MITF: variants seen among roughly 807,000 people sequenced by gnomAD.
MITF encodes microphthalmia-associated transcription factor.
MITF carries 17 observed loss-of-function variants against 60.5 expected under a neutral mutation model. The ratio of observed to expected loss-of-function variants is 0.28; its 90% CI spans 0.19 to 0.42. The LOEUF is 0.42. MITF is among the 10% of genes least tolerant of loss of function. The pLI is 1.00. For missense variants in MITF, 622 were observed against 683.5 expected (o/e 0.91, Z 1.00); for synonymous variants, 260 against 248.5 (o/e 1.05, Z -0.43).
At chr3:69,908,508 C>T (rs1012069306) in intron 2 of MITF, among the ~76,000 whole-genome samples, 1 of 152,112 alleles carries the variant, frequency 6.6e-6, no homozygotes, top group Non-Finnish European at 1.5e-5. Flanking sequence ...TTTACTTCAA[C>T]AAACTTAATG....
At chr3:69,851,825 A>T (rs1220084908) in intron 1 of MITF, among the ~76,000 whole-genome samples, 30 of 152,182 alleles carry the variant, frequency 2.0e-4, no homozygotes, top group Non-Finnish European at 1.3e-4. Flanking sequence ...AAGGAGATGA[A>T]AACATTTACC....
At chr3:69,874,889 C>G (rs898635994) in intron 1 of MITF, among the ~76,000 whole-genome samples, 1 of 152,150 alleles carries the variant, frequency 6.6e-6, no homozygotes, top group African/African-American at 2.4e-5. Flanking sequence ...TCAGATAGTT[C>G]AGAGCCCATG....
intron 2 of MITF, among the ~76,000 whole-genome samples, chr3:69,898,785 T>G (rs1270032361): frequency 6.6e-6 from 1 of 152,182 alleles, no homozygotes; most frequent in Non-Finnish European, 1.5e-5. Flanking sequence ...AGAACAGGTT[T>G]GGGAGAGTGG....
intron 1 of MITF, among the ~76,000 whole-genome samples, chr3:69,876,078 A>C (rs930598034): frequency 2.6e-5 from 4 of 151,750 alleles, no homozygotes; most frequent in African/African-American, 9.7e-5. Flanking sequence ...TTTTTTTTTC[A>C]GACAGGATAT....
chr3:69,942,532 A>T (rs995284709), intron 5 of MITF, among the ~76,000 whole-genome samples: 1 of 151,988 alleles, frequency 6.6e-6, no homozygotes, highest in Non-Finnish European at 1.5e-5. Context: ...ATGTGGGGTG[A>T]GGACTTCCCT....
At chr3:69,901,619 C>T (rs2107351723) in intron 2 of MITF, among the ~76,000 whole-genome samples, 1 of 152,260 alleles carries the variant, frequency 6.6e-6, no homozygotes, top group East Asian at 1.9e-4. Context: ...GGTCTAATCA[C>T]CTATTAGAGC....
chr3:69,923,551 G>A (rs921666157), intron 2 of MITF, among the ~76,000 whole-genome samples: 4 of 152,132 alleles, frequency 2.6e-5, no homozygotes, highest in Admixed American at 6.5e-5. Flanking sequence ...CACCATGTTG[G>A]CCTGAAGTGA....
intron 1 of MITF, among the ~76,000 whole-genome samples, chr3:69,857,611 A>G (rs2063942463): frequency 6.6e-6 from 1 of 152,078 alleles, no homozygotes; most frequent in Non-Finnish European, 1.5e-5. Flanking sequence ...GGAACTAAAC[A>G]TGTTTGTTAA....
At position 69,864,406 on chromosome 3, in the gene MITF, A is replaced by G. The variant is rs76521959; in HGVS notation, c.105-14728A>G. Among the ~76,000 whole-genome samples the G allele has an allele frequency of 8.8e-3, 1,344 of 152,296 alleles. 17 individuals carry two copies. The highest frequency in any genetic ancestry group is 0.029 in the African/African-American group (1,218 of 41,554). ...GTACCTGGCATGTAGAAAGTGCTCA[A>G]TGACTGCTGTTGATGAACTTTCTCC... On this transcript the variant is annotated intron_variant, in intron 1 of 9. Coordinates refer to ENST00000352241, the MANE Select transcript of MITF (RefSeq NM_001354604.2).
intron 1 of MITF, among the ~76,000 whole-genome samples, chr3:69,865,185 T>C (rs2064088429): frequency 6.6e-6 from 1 of 151,182 alleles, no homozygotes. Flanking sequence ...AGAGGGAAGT[T>C]AAAAAAAAAG....
intron 2 of MITF, among the ~76,000 whole-genome samples, chr3:69,935,462 T>C (rs2065812157): frequency 6.6e-6 from 1 of 152,194 alleles, no homozygotes; most frequent in African/African-American, 2.4e-5. Context: ...CTCATTGCCC[T>C]CATTTTATGT....
chr3:69,811,411 A>G (rs568893880), intron 1 of MITF, among the ~76,000 whole-genome samples: 6 of 152,300 alleles, frequency 3.9e-5, no homozygotes, highest in African/African-American at 1.4e-4. Flanking sequence ...GCCACAGTGC[A>G]TCTCTGTCCC....
intron 1 of MITF, among the ~76,000 whole-genome samples, chr3:69,789,811 G>C (rs9877286): frequency 1.3e-5 from 2 of 152,062 alleles, no homozygotes; most frequent in African/African-American, 4.8e-5. Context: ...AATGGAGATC[G>C]CACCACTGCA....
At chr3:69,908,835 C>A (rs1381146352) in intron 2 of MITF, among the ~76,000 whole-genome samples, 1 of 152,152 alleles carries the variant, frequency 6.6e-6, no homozygotes, top group Non-Finnish European at 1.5e-5. Context: ...CTAACACAGT[C>A]TTTTAAGATT....
intron 4 of MITF, 72 bp from the exon 5 acceptor site, chr3:69,941,164 T>G: frequency 6.2e-6 from 6 of 973,102 alleles, no homozygotes; most frequent in South Asian, 1.4e-5. Flanking sequence ...AAAAAGACCA[T>G]GAGTCTCTTT....
chr3:69,947,233 C>G (rs1249624658), intron 5 of MITF, among the ~76,000 whole-genome samples: 3 of 152,170 alleles, frequency 2.0e-5, no homozygotes, highest in Non-Finnish European at 2.9e-5. Flanking sequence ...ATTTTCAAGT[C>G]ACATTCTTGG....
At chr3:69,873,028 G>T (rs776147621) in intron 1 of MITF, among the ~76,000 whole-genome samples, 29 of 151,134 alleles carry the variant, frequency 1.9e-4, no homozygotes, top group Admixed American at 5.2e-4. Flanking sequence ...GAGACCTGGA[G>T]TATTTATTAT....
intron 2 of MITF, among the ~76,000 whole-genome samples, chr3:69,903,665 G>A (rs906500157): frequency 1.3e-5 from 2 of 152,134 alleles, no homozygotes; most frequent in African/African-American, 4.8e-5. Flanking sequence ...AGCAAGAGGA[G>A]TGTTGTTAAA....
intron 2 of MITF, among the ~76,000 whole-genome samples, chr3:69,920,856 A>T (rs2065450584): frequency 6.6e-6 from 1 of 151,938 alleles, no homozygotes; most frequent in Admixed American, 6.6e-5. Flanking sequence ...ACGGGGAGAG[A>T]CCCACCGACC....
Sources: allele counts gnomAD v4.1 joint callset (sites outside exome capture counted in the v4.1 genomes callset), GRCh38; gene constraint gnomAD v4.1.1; transcripts MANE v1.5; gene names NCBI Gene and HGNC (gene_info 2026-07-23, HGNC 2026-07-21).